The following RPS6 variants were observed in gnomAD, a reference collection of about 807,000 sequenced individuals.
RPS6 encodes the protein small ribosomal subunit protein eS6.
Under a neutral mutation model 27.1 loss-of-function variants are expected in RPS6, and 1 was observed. The observed-to-expected ratio is 0.04, with a 90% CI of 0.01 to 0.18. The LOEUF is 0.18. Among genes scored for constraint, RPS6 ranks in the 10% least tolerant of loss-of-function variants. The pLI is 1.00. For missense variants in RPS6, 259 were observed against 319.1 expected (o/e 0.81, Z 1.44); for synonymous variants, 152 against 106.0 (o/e 1.43, Z -2.66).
At chr9:19,376,440 A>G in intron 5 of RPS6, 52 bp from the exon 6 acceptor site, 1 of 1,612,618 alleles carries the variant, frequency 6.2e-7, no homozygotes, top group African/African-American at 1.3e-5. Context: ...TTAAAGACGC[A>G]AATCCAAAGC....
chr9:19,377,945 T>A (rs572142600), intron 4 of RPS6, among the ~76,000 whole-genome samples: 1 of 152,296 alleles, frequency 6.6e-6, no homozygotes, highest in Non-Finnish European at 1.5e-5. Context: ...TCACTTGAGC[T>A]CAAGGGTTCA....
Position 19,376,155 on chromosome 9 carries a change from C to T in RPS6, c.*138G>A, listed in dbSNP as rs1829581203. On this transcript the variant is annotated 3_prime_UTR_variant, in exon 6 of 6. Coordinates refer to ENST00000380394, the MANE Select transcript of RPS6 (RefSeq NM_001010.3). ...CACACAATAGGTCTGACTTTATCCA[C>T]CATTGGAATACCATATATACATATC... is the stretch of plus-strand genomic sequence containing the variant. 1 of 714,450 alleles carries T rather than the reference C, an allele frequency of 1.4e-6. No homozygotes were observed. The highest frequency in any genetic ancestry group is 2.3e-6 in the Non-Finnish European group (1 of 431,872). 44.3% of individuals were successfully genotyped at this position (714,450 alleles called of 1,614,324 possible).
At position 19,379,320 on chromosome 9, in the gene RPS6, T is replaced by TCCC. The variant is rs770487383; in HGVS notation, c.138+164_138+166dup. On this transcript the variant is annotated intron_variant, in intron 2 of 5. Coordinates refer to ENST00000380394, the MANE Select transcript of RPS6 (RefSeq NM_001010.3). ...CGTATATTTTATGGCTTACTCTACG[T>TCCC]CCCCCCCTCCAAGGTAATACCTCTA... The TCCC allele has an allele frequency of 2.7e-6, 4 of 1,505,396 alleles. No homozygotes were observed. In the Admixed American group the frequency reaches 9.4e-5, roughly 35 times the overall value. The allele number at this position is 1,505,396 out of a possible 1,614,324, so 93.3% of individuals were successfully genotyped here.
At chr9:19,377,089 T>A (rs1829600919) in intron 4 of RPS6, among the ~76,000 whole-genome samples, 1 of 152,222 alleles carries the variant, frequency 6.6e-6, no homozygotes, top group South Asian at 2.1e-4. Context: ...ACTATTAACA[T>A]CAGATTAGGT....
chr9:19,378,658 A>G, intron 3 of RPS6, 50 bp downstream of exon 3: 1 of 1,600,318 alleles, frequency 6.2e-7, no homozygotes, highest in Non-Finnish European at 8.6e-7. Flanking sequence ...GCATTTGGAC[A>G]ACTGGCTTTA....
At position 19,377,392 on chromosome 9, in the gene RPS6, C is replaced by CTTTTTT. The variant is rs77882767; in HGVS notation, c.497-747_497-742dup. The stretch of plus-strand genomic sequence containing the variant: ...GCAACTGCCACCTATTTGTCAATTG[C>CTTTTTT]TTTTTTTTTTTTTTTTGCAACATCA... On this transcript the variant is annotated intron_variant, in intron 4 of 5. Transcript: ENST00000380394. 5.6e-4 allele frequency among the ~76,000 whole-genome samples: 74 copies of CTTTTTT among 132,436 alleles called. 1 individual carries two copies. The highest frequency in any genetic ancestry group is 1.9e-3 in the African/African-American group (70 of 36,160). The allele number at this position is 132,436 out of a possible 152,430, so 86.9% of individuals were successfully genotyped here.
At chr9:19,376,817 C>G (rs560021712) in intron 4 of RPS6, 166 bp from the exon 5 acceptor site, 2 of 551,442 alleles carry the variant, frequency 3.6e-6, no homozygotes, top group African/African-American at 3.8e-5. Flanking sequence ...TGCCCCTCCA[C>G]AGAAATCTAG....
Position 19,378,377 on chromosome 9 carries a change from T to A in RPS6, c.487A>T (p.Asn163Tyr). The A allele has an allele frequency of 6.2e-7, 1 of 1,612,458 alleles. No individual in the cohort carries two copies. The highest frequency in any genetic ancestry group is 8.5e-7 in the Non-Finnish European group (1 of 1,179,912). Reference sequence around the variant, plus strand: ...GCATAATCCCTCCTACCTTCTTTATTTAAGGGCTTTCTTACAACATACTGG... The same window carrying A: ...GCATAATCCCTCCTACCTTCTTTATATAAGGGCTTTCTTACAACATACTGG... ...VRQYVVRKPL[N>Y]KEGKKPRTKA... The change falls in exon 4 of 6, where the codon AAT becomes TAT. Residue 163 changes from asparagine to tyrosine, a missense_variant. Physicochemically the swap from Asn to Tyr is moderately radical, Grantham distance 143 (BLOSUM62 -2). Coordinates refer to ENST00000380394, the MANE Select transcript of RPS6 (RefSeq NM_001010.3).
At chr9:19,380,082 C>G (rs1829654181) in intron 1 of RPS6, 108 bp downstream of exon 1, 1 of 1,612,598 alleles carries the variant, frequency 6.2e-7, no homozygotes. Context: ...TGAGACCCTT[C>G]TCCACCTAAA....
At chr9:19,379,412 C>G in intron 2 of RPS6, 75 bp downstream of exon 2, 3 of 1,591,806 alleles carry the variant, frequency 1.9e-6, no homozygotes, top group Non-Finnish European at 2.6e-6. Flanking sequence ...AGTCTGAACC[C>G]CATTCCAAAT....
Position 19,376,134 on chromosome 9 carries a change from C to A in RPS6, c.*159G>T. 1 of 651,112 alleles carries A rather than the reference C, an allele frequency of 1.5e-6. No individual in the cohort carries two copies. The highest frequency in any genetic ancestry group is 2.0e-5 in the South Asian group (1 of 50,552). 40.3% of individuals were successfully genotyped at this position (651,112 alleles called of 1,614,324 possible). ...TGACCTTGTCTTCCACTACCACACACAATAGGTCTGACTTTATCCACCATT... is the reference window on the plus strand; with the variant it reads ...TGACCTTGTCTTCCACTACCACACAAAATAGGTCTGACTTTATCCACCATT... On this transcript the variant is annotated 3_prime_UTR_variant, in exon 6 of 6. Coordinates refer to ENST00000380394, the MANE Select transcript of RPS6 (RefSeq NM_001010.3).
intron 3 of RPS6, 93 bp downstream of exon 3, chr9:19,378,615 T>G: frequency 6.4e-7 from 1 of 1,570,132 alleles, no homozygotes; most frequent in Non-Finnish European, 8.7e-7. Context: ...ACAAATCCAT[T>G]GGTCTGTAAG....
Position 19,376,410 on chromosome 9 carries a change from A to C in RPS6, c.655-22T>G, listed in dbSNP as rs2277151. Reference sequence around the variant, plus strand: ...CCTCCTAAACAAAACAAAACAGCAAACAGTTAAGGCCTTTCTGGGTTAAAG... The same window carrying C: ...CCTCCTAAACAAAACAAAACAGCAACCAGTTAAGGCCTTTCTGGGTTAAAG... On this transcript the variant is annotated intron_variant, in intron 5 of 5. Transcript: ENST00000380394. 6 of 1,613,240 alleles carry C rather than the reference A, an allele frequency of 3.7e-6. No homozygotes were observed. The highest frequency in any genetic ancestry group is 5.1e-6 in the Non-Finnish European group (6 of 1,179,650).
chr9:19,376,840 A>G (rs879140202), intron 4 of RPS6, 189 bp from the exon 5 acceptor site: 3 of 497,214 alleles, frequency 6.0e-6, no homozygotes, highest in Admixed American at 7.6e-5. Flanking sequence ...GATTGGTTAA[A>G]TATTATAAAA....
chr9:19,379,720 C>T, intron 1 of RPS6, 102 bp from the exon 2 acceptor site: 9 of 1,512,270 alleles, frequency 6.0e-6, no homozygotes, highest in Non-Finnish European at 7.9e-6. Flanking sequence ...TTTCATGTTG[C>T]CTCCACACAA....
rs41270111 is a variant in RPS6, at chr9:19,380,207, T to A, written c.-12A>T. ...TCACCTACCTTCATCTTGAAGCAGC[T>A]GAACGCCTCCGAGGCGCCACGGAAA... On this transcript the variant is annotated 5_prime_UTR_variant, in exon 1 of 6. Coordinates refer to ENST00000380394, the MANE Select transcript of RPS6 (RefSeq NM_001010.3). The A allele has an allele frequency of 6.0e-5, 97 of 1,614,010 alleles. No homozygotes were observed. The highest frequency in any genetic ancestry group is 1.6e-4 in the Middle Eastern group (1 of 6,084).
In RPS6 at chr9:19,380,175, G is replaced by C. The variant is rs759695423; in HGVS notation, c.6+15C>G. On this transcript the variant is annotated intron_variant, in intron 1 of 5. Transcript: ENST00000380394. ...GTTCCCCAAACCCAGTCTAACACTCGCCACCATCACCTACCTTCATCTTGA... is the reference window on the plus strand; with the variant it reads ...GTTCCCCAAACCCAGTCTAACACTCCCCACCATCACCTACCTTCATCTTGA... 3 of 1,613,962 alleles carry C rather than the reference G, an allele frequency of 1.9e-6. No individual in the cohort carries two copies. Among genetic ancestry groups the C allele is most frequent in the African/African-American group, 2.7e-5 (2 of 74,894 alleles).
chr9:19,379,226 T>C (rs1303355942), intron 2 of RPS6: 1 of 1,285,278 alleles, frequency 7.8e-7, no homozygotes. Context: ...TTGGGGATTA[T>C]GAGGACAGCT....
At chr9:19,377,314 T>C (rs141839520) in intron 4 of RPS6, among the ~76,000 whole-genome samples, 9 of 151,656 alleles carry the variant, frequency 5.9e-5, no homozygotes, top group Non-Finnish European at 1.0e-4. Flanking sequence ...AAAATACCCA[T>C]CAACCAGACC....
Sources: allele counts gnomAD v4.1 joint callset (sites outside exome capture counted in the v4.1 genomes callset), GRCh38; gene constraint gnomAD v4.1.1; transcripts MANE v1.5; gene names NCBI Gene and HGNC (gene_info 2026-07-23, HGNC 2026-07-21).